Variants in GPC6 observed in about 807,000 individuals in gnomAD.
GPC6 encodes glypican-6.
A neutral mutation model predicts 55.2 loss-of-function variants in GPC6; 14 were observed. The observed-to-expected ratio is 0.25, with a 90% CI of 0.17 to 0.40. GPC6 has a LOEUF of 0.40. GPC6 is among the 10% of genes least tolerant of loss of function. The probability of loss-of-function intolerance (pLI) is 1.00; values close to 1 mark genes in which losing one functional copy is unlikely to be tolerated. For missense variants in GPC6, 641 were observed against 708.5 expected (o/e 0.90, Z 1.08); for synonymous variants, 278 against 259.6 (o/e 1.07, Z -0.68).
At chr13:93,334,946 A>G (rs1480826966) in intron 1 of GPC6, among the ~76,000 whole-genome samples, 1 of 152,228 alleles carries the variant, frequency 6.6e-6, no homozygotes, top group East Asian at 1.9e-4. Context: ...AAAATTATGT[A>G]TTTTACTTTA....
At chr13:94,244,402 A>C (rs1891139290) in intron 4 of GPC6, among the ~76,000 whole-genome samples, 1 of 152,120 alleles carries the variant, frequency 6.6e-6, no homozygotes, top group Non-Finnish European at 1.5e-5. Flanking sequence ...CCACCTGTGA[A>C]GTTAAGGATT....
intron 1 of GPC6, among the ~76,000 whole-genome samples, chr13:93,531,134 A>T (rs1306182760): frequency 6.6e-6 from 1 of 152,152 alleles, no homozygotes; most frequent in African/African-American, 2.4e-5. Flanking sequence ...CTACTGGAAG[A>T]TGACAGAGCT....
chr13:93,838,266 C>T (rs1330458), intron 3 of GPC6, among the ~76,000 whole-genome samples: 8,322 of 152,158 alleles, frequency 0.055, 315 homozygotes, highest in Admixed American at 0.11. Context: ...GGGTGACAGA[C>T]GTATGGATAA....
At position 93,844,162 on chromosome 13, in the gene GPC6, C is replaced by A. The variant is rs540658463; in HGVS notation, c.711+13617C>A. Among the ~76,000 whole-genome samples the A allele has an allele frequency of 2.1e-3, 315 of 152,032 alleles. 2 individuals carry two copies. The highest frequency in any genetic ancestry group is 7.4e-3 in the African/African-American group (307 of 41,512). On this transcript the variant is annotated intron_variant, in intron 3 of 8. Coordinates refer to ENST00000377047, the MANE Select transcript of GPC6 (RefSeq NM_005708.5). The stretch of plus-strand genomic sequence containing the variant: ...TAAACACTGTTTCTTTTTTTTAAGA[C>A]AGAGTCTCGCTCTGTCACCAGGCTG...
intron 1 of GPC6, among the ~76,000 whole-genome samples, chr13:93,264,283 A>G (rs1171847407): frequency 6.6e-6 from 1 of 152,250 alleles, no homozygotes; most frequent in Non-Finnish European, 1.5e-5. Context: ...ATCCCTCGGT[A>G]TCCATAGGGA....
chr13:93,803,006 T>C (rs2138940360), intron 2 of GPC6, among the ~76,000 whole-genome samples: 1 of 152,294 alleles, frequency 6.6e-6, no homozygotes, highest in South Asian at 2.1e-4. Context: ...GCTCCAGAGC[T>C]TGACTATTGT....
intron 2 of GPC6, among the ~76,000 whole-genome samples, chr13:93,765,311 T>TGTCTGGAAAGACAACTTTCAAGATAAGC (rs1368557718): frequency 8.8e-5 from 3 of 34,112 alleles, no homozygotes; most frequent in South Asian, 6.8e-4. Flanking sequence ...GACAACTTAT[T>TGTCTGGAAAGACAACTTTCAAGATAAGC]TGGTTTAAGT....
intron 3 of GPC6, among the ~76,000 whole-genome samples, chr13:93,929,424 T>C (rs1312430124): frequency 6.6e-6 from 1 of 152,238 alleles, no homozygotes; most frequent in Non-Finnish European, 1.5e-5. Context: ...TCAAGTGGCG[T>C]ATATCATCAG....
At chr13:93,947,799 T>C (rs1287055717) in intron 3 of GPC6, among the ~76,000 whole-genome samples, 1 of 152,078 alleles carries the variant, frequency 6.6e-6, no homozygotes, top group Non-Finnish European at 1.5e-5. Flanking sequence ...TTTTTATAGA[T>C]TGTGGAAACC....
intron 2 of GPC6, among the ~76,000 whole-genome samples, chr13:93,660,513 A>G (rs1018421890): frequency 2.6e-5 from 4 of 152,184 alleles, no homozygotes; most frequent in Non-Finnish European, 5.9e-5. Flanking sequence ...AGTTAAGCTT[A>G]GTTTTTTAAA....
chr13:94,212,881 G>A (rs762689655), intron 4 of GPC6, among the ~76,000 whole-genome samples: 13 of 152,202 alleles, frequency 8.5e-5, no homozygotes, highest in Non-Finnish European at 1.5e-4. Flanking sequence ...ACTAGGGCCG[G>A]GCACGGTGGC....
At chr13:93,527,270 G>A (rs993825779) in intron 1 of GPC6, among the ~76,000 whole-genome samples, 1 of 151,992 alleles carries the variant, frequency 6.6e-6, no homozygotes, top group Admixed American at 6.6e-5. Context: ...CCTGTATACA[G>A]TATAATATTA....
At chr13:93,797,148 C>A (rs1378271184) in intron 2 of GPC6, among the ~76,000 whole-genome samples, 1 of 91,756 alleles carries the variant, frequency 1.1e-5, no homozygotes, top group African/African-American at 4.8e-5. Context: ...TTCCCTTTGT[C>A]ATTTAATAGA....
chr13:94,051,221 C>T (rs1436782030), intron 4 of GPC6, among the ~76,000 whole-genome samples: 1 of 152,142 alleles, frequency 6.6e-6, no homozygotes, highest in Non-Finnish European at 1.5e-5. Context: ...AACCTCCTTG[C>T]TTCTGGTGGG....
chr13:93,677,303 G>A (rs1469296701), intron 2 of GPC6, among the ~76,000 whole-genome samples: 1 of 152,046 alleles, frequency 6.6e-6, no homozygotes, highest in East Asian at 1.9e-4. Flanking sequence ...CTTCTTATAA[G>A]TATAGTTATC....
At chr13:94,063,523 T>C (rs1393700471) in intron 4 of GPC6, among the ~76,000 whole-genome samples, 10 of 152,212 alleles carry the variant, frequency 6.6e-5, no homozygotes, top group Non-Finnish European at 1.3e-4. Context: ...TTGTTAGTGC[T>C]TTGTTCTGTG....
chr13:93,628,930 A>C (rs1879315915), intron 2 of GPC6, among the ~76,000 whole-genome samples: 1 of 152,122 alleles, frequency 6.6e-6, no homozygotes. Context: ...AAGCAGAGAC[A>C]GAAAGACTAA....
At chr13:93,707,547 C>T (rs1594388366) in intron 2 of GPC6, among the ~76,000 whole-genome samples, 1 of 151,824 alleles carries the variant, frequency 6.6e-6, no homozygotes, top group East Asian at 2.0e-4. Flanking sequence ...GTAGGCTCTC[C>T]TGTCCCCATC....
intron 1 of GPC6, among the ~76,000 whole-genome samples, chr13:93,449,375 T>C (rs1261294128): frequency 6.6e-6 from 1 of 152,278 alleles, no homozygotes; most frequent in East Asian, 1.9e-4. Context: ...GGGCACCCTG[T>C]CATGGAGGTC....
Sources: allele counts gnomAD v4.1 joint callset (sites outside exome capture counted in the v4.1 genomes callset), GRCh38; gene constraint gnomAD v4.1.1; transcripts MANE v1.5; gene names NCBI Gene and HGNC (gene_info 2026-07-23, HGNC 2026-07-21).